DENND4A: variants seen among roughly 807,000 people sequenced by gnomAD.
DENND4A encodes C-myc promoter-binding protein.
In DENND4A, 70 loss-of-function variants were observed where a neutral mutation model predicts 199.3. The observed-to-expected ratio is 0.35, with a 90% CI of 0.29 to 0.43. The LOEUF (loss-of-function observed/expected upper bound fraction) is 0.43. DENND4A is among the 20% of genes least tolerant of loss of function. The probability of loss-of-function intolerance (pLI) is 1.00; values close to 1 mark genes in which losing one functional copy is unlikely to be tolerated. For missense variants in DENND4A, 1,723 were observed against 2,255.8 expected, an observed-to-expected ratio of 0.76 and a Z score of 4.78; for synonymous variants, 686 against 766.9, an observed-to-expected ratio of 0.89 and a Z score of 1.74.
chr15:65,688,729 T>C (rs1275087197), intron 23 of DENND4A, among the ~76,000 whole-genome samples: 2 of 152,240 alleles, frequency 1.3e-5, no homozygotes, highest in Non-Finnish European at 2.9e-5. Flanking sequence ...TCTTGAAGTT[T>C]ATCTGCCAGA....
intron 4 of DENND4A, 85 bp from the exon 5 acceptor site, chr15:65,741,869 G>T: frequency 2.8e-6 from 3 of 1,052,756 alleles, no homozygotes; most frequent in East Asian, 2.5e-5. Context: ...TCTCTAGTAT[G>T]TATTATCTAA....
At chr15:65,750,626 A>C (rs970574564) in intron 4 of DENND4A, among the ~76,000 whole-genome samples, 4 of 152,228 alleles carry the variant, frequency 2.6e-5, no homozygotes, top group African/African-American at 9.6e-5. Flanking sequence ...AGCCCTGACA[A>C]AACATGGAAG....
At position 65,667,139 on chromosome 15, in the gene DENND4A, G is replaced by C. The variant is rs542322227; in HGVS notation, c.5241+310C>G. Among the ~76,000 whole-genome samples, 20 of 152,224 alleles carry C rather than the reference G, an allele frequency of 1.3e-4. No individual in the cohort carries two copies. The South Asian group carries it at 3.9e-3, about 30-fold the overall frequency. On this transcript the variant is annotated intron_variant, in intron 29 of 32. Coordinates refer to ENST00000443035, the MANE Select transcript of DENND4A (RefSeq NM_001320835.1). ...AAGGTCAAGAAATCAAGACCATCCT[G>C]GCCAACATGGTGAAACCCCGTCTCT...
At chr15:65,702,156 T>C in intron 17 of DENND4A, 149 bp downstream of exon 17, 1 of 777,004 alleles carries the variant, frequency 1.3e-6, no homozygotes, top group South Asian at 1.8e-5. Flanking sequence ...CACAGCTATC[T>C]GGGAGGCTAA....
At chr15:65,775,734 A>C (rs1567101695) in intron 1 of DENND4A, among the ~76,000 whole-genome samples, 1 of 151,494 alleles carries the variant, frequency 6.6e-6, no homozygotes, top group South Asian at 2.1e-4. Flanking sequence ...CATCAAAATT[A>C]TATAACAAAA....
At chr15:65,706,009 A>T in intron 15 of DENND4A, 82 bp downstream of exon 15, 1 of 1,381,556 alleles carries the variant, frequency 7.2e-7, no homozygotes, top group Non-Finnish European at 9.4e-7. Context: ...ATTTTTGAAA[A>T]TACCACAGTC....
chr15:65,765,862 T>A (rs2076970349), intron 1 of DENND4A, among the ~76,000 whole-genome samples: 1 of 152,158 alleles, frequency 6.6e-6, no homozygotes, highest in South Asian at 2.1e-4. Flanking sequence ...CACCCCATTA[T>A]CCCTAATCCC....
At chr15:65,777,159 C>T (rs960686519) in intron 1 of DENND4A, among the ~76,000 whole-genome samples, 24 of 151,930 alleles carry the variant, frequency 1.6e-4, no homozygotes, top group Admixed American at 3.9e-4. Context: ...CAGAGTAAGA[C>T]GCTGTCTCAA....
chr15:65,700,923 T>C (rs2074847455), intron 19 of DENND4A, 128 bp downstream of exon 19: 4 of 1,097,052 alleles, frequency 3.6e-6, no homozygotes, highest in South Asian at 1.7e-5. Context: ...GGAAGAGTAA[T>C]ATAATTTGCT....
At position 65,691,440 on chromosome 15, in the gene DENND4A, A is replaced by T. The variant is rs771829081; in HGVS notation, c.3154T>A (p.Cys1052Ser). The T allele has an allele frequency of 6.2e-7, 1 of 1,613,190 alleles. No individual in the cohort carries two copies. Residue 1052 changes from cysteine (C) to serine (S), a missense_variant, in exon 23 of 33, where the codon TGC becomes AGC. Transcript: ENST00000443035. ...TCACTTTTATGTCTTTTCCTGAAGC[A>T]TCTACTTTGAATGTTTCGTGTTTCA... ...TNETRNIQSR[C>S]FRKRHKSDNE...
In DENND4A at chr15:65,752,482, T is replaced by C; in HGVS notation, c.458A>G (p.Gln153Arg). 6.2e-7 allele frequency: 1 copy of C among 1,613,734 alleles called. No homozygotes were observed. The highest frequency in any genetic ancestry group is 8.5e-7 in the Non-Finnish European group (1 of 1,179,808). The part of the protein sequence containing the change: ...TYRRASENMT[Q>R]NTLAVTDICI... Reference sequence around the variant, plus strand: ...TATGTCAGTGACAGCCAACGTATTCTGAGTCATGTTTTCAGAGGCTCTTCG... The same window carrying C: ...TATGTCAGTGACAGCCAACGTATTCCGAGTCATGTTTTCAGAGGCTCTTCG... Residue 153 changes from glutamine to arginine, a missense_variant, in exon 4 of 33, where the codon CAG (glutamine) becomes CGG (arginine). Gln to Arg is a conservative substitution (Grantham distance 43). This residue lies in a region of DENND4A where 725 missense variants were observed against 952.9 expected (regional missense o/e 0.76). Coordinates refer to ENST00000443035, the MANE Select transcript of DENND4A (RefSeq NM_001320835.1).
intron 27 of DENND4A, among the ~76,000 whole-genome samples, chr15:65,668,684 G>A (rs1218202855): frequency 1.3e-5 from 2 of 152,098 alleles, no homozygotes; most frequent in African/African-American, 4.8e-5. Flanking sequence ...AGCCAGGTGT[G>A]ATGGCAGGCG....
At chr15:65,777,509 C>T (rs532442804) in intron 1 of DENND4A, among the ~76,000 whole-genome samples, 80 of 152,060 alleles carry the variant, frequency 5.3e-4, no homozygotes, top group African/African-American at 1.8e-3. Flanking sequence ...CGCACCACCA[C>T]GCCTGGCTAA....
intron 22 of DENND4A, among the ~76,000 whole-genome samples, chr15:65,695,109 T>A (rs1185043006): frequency 6.6e-6 from 1 of 152,228 alleles, no homozygotes; most frequent in African/African-American, 2.4e-5. Context: ...TTTTAATGTT[T>A]CTGTTACAAC....
chr15:65,680,373 T>C (rs938924063), intron 23 of DENND4A, among the ~76,000 whole-genome samples: 1 of 152,240 alleles, frequency 6.6e-6, no homozygotes, highest in Non-Finnish European at 1.5e-5. Flanking sequence ...GGATTTATTA[T>C]ATTCTCCTAT....
At chr15:65,723,014 T>G in intron 11 of DENND4A, 66 bp from the exon 12 acceptor site, 1 of 1,183,224 alleles carries the variant, frequency 8.5e-7, no homozygotes, top group Non-Finnish European at 1.1e-6. Flanking sequence ...GGTATATATC[T>G]GTTATATATA....
intron 12 of DENND4A, among the ~76,000 whole-genome samples, chr15:65,719,729 A>AT (rs34782750): frequency 2.8e-4 from 41 of 147,754 alleles, no homozygotes; most frequent in Middle Eastern, 3.5e-3. Flanking sequence ...TCTCTACAGA[A>AT]TTTTTTTTTT....
intron 11 of DENND4A, among the ~76,000 whole-genome samples, chr15:65,726,490 G>A (rs988109620): frequency 1.3e-5 from 2 of 152,240 alleles, no homozygotes; most frequent in South Asian, 2.1e-4. Flanking sequence ...TATTGATGCC[G>A]TATGTAAAAT....
In DENND4A at chr15:65,784,090, G is replaced by A. The variant is rs992291670; in HGVS notation, c.-102+7920C>T. Among the ~76,000 whole-genome samples the A allele has an allele frequency of 3.9e-5, 6 of 152,036 alleles. No individual in the cohort carries two copies. The East Asian group carries it at 1.2e-3, about 29-fold the overall frequency. ...GCAATGAGAGCGGCACTTTATCTCT[G>A]TGACTCTCCTCCCCCAAACCCATAA... On this transcript the variant is annotated intron_variant, in intron 1 of 32. Coordinates refer to ENST00000443035, the MANE Select transcript of DENND4A (RefSeq NM_001320835.1).
Sources: allele counts gnomAD v4.1 joint callset (sites outside exome capture counted in the v4.1 genomes callset), GRCh38; gene constraint gnomAD v4.1.1; regional missense constraint gnomAD v4.1.1; transcripts MANE v1.5; gene names NCBI Gene and HGNC (gene_info 2026-07-23, HGNC 2026-07-21).